NRG3: variants seen among roughly 807,000 people sequenced by gnomAD.
NRG3 encodes neuregulin 3, also known as pro-neuregulin-3, membrane-bound isoform.
In NRG3, 31 loss-of-function variants were observed where a neutral mutation model predicts 66.9. That is an observed-to-expected ratio of 0.46 (90% CI 0.35 to 0.63). The LOEUF is 0.63. Ranked by LOEUF, NRG3 falls within the 20% of genes least tolerant of loss-of-function variation. NRG3 has a pLI of 0.00. For missense variants in NRG3, 910 were observed against 878.9 expected (o/e 1.04, Z -0.45); for synonymous variants, 393 against 359.4 (o/e 1.09, Z -1.06).
intron 1 of NRG3, among the ~76,000 whole-genome samples, chr10:82,191,599 A>G (rs1430798187): frequency 6.6e-6 from 1 of 152,206 alleles, no homozygotes; most frequent in Non-Finnish European, 1.5e-5. Context: ...TTAATAATGT[A>G]GAGCAAAATG....
chr10:81,946,229 C>G (rs1236785395), intron 1 of NRG3, among the ~76,000 whole-genome samples: 1 of 152,094 alleles, frequency 6.6e-6, no homozygotes, highest in Non-Finnish European at 1.5e-5. Context: ...GTTGGTCAGG[C>G]TGGTTTCAAA....
At chr10:82,144,584 A>G (rs976584920) in intron 1 of NRG3, among the ~76,000 whole-genome samples, 4 of 152,252 alleles carry the variant, frequency 2.6e-5, no homozygotes, top group African/African-American at 9.6e-5. Context: ...GACGTGTAAT[A>G]AAATTCCAGA....
chr10:82,933,513 T>A (rs1481736821), intron 4 of NRG3, among the ~76,000 whole-genome samples: 1 of 152,222 alleles, frequency 6.6e-6, no homozygotes, highest in Non-Finnish European at 1.5e-5. Flanking sequence ...CCTACCACAC[T>A]ATTTCCTATT....
intron 1 of NRG3, among the ~76,000 whole-genome samples, chr10:82,034,159 A>G (rs1234323116): frequency 6.6e-6 from 1 of 152,122 alleles, no homozygotes; most frequent in Non-Finnish European, 1.5e-5. Context: ...ATAAACCTTT[A>G]TTAGTTGAAT....
chr10:82,191,381 C>CT, intron 1 of NRG3, among the ~76,000 whole-genome samples: 1 of 152,124 alleles, frequency 6.6e-6, no homozygotes. Context: ...CATGATAAGT[C>CT]TAAGAATCCT....
At chr10:82,809,684 T>C (rs2061417920) in intron 3 of NRG3, among the ~76,000 whole-genome samples, 1 of 152,160 alleles carries the variant, frequency 6.6e-6, no homozygotes, top group African/African-American at 2.4e-5. Flanking sequence ...GGTTCATTTG[T>C]GTTTCAACCT....
chr10:82,598,581 G>A (rs890434070), intron 2 of NRG3, among the ~76,000 whole-genome samples: 1 of 152,206 alleles, frequency 6.6e-6, no homozygotes, highest in African/African-American at 2.4e-5. Context: ...CAGAAGCCAA[G>A]AGGAGACAAT....
At chr10:82,560,451 A>G (rs1289876259) in intron 2 of NRG3, among the ~76,000 whole-genome samples, 2 of 151,094 alleles carry the variant, frequency 1.3e-5, no homozygotes, top group Non-Finnish European at 3.0e-5. Context: ...ATCACTTCTG[A>G]GAACAGAATG....
chr10:82,327,436 A>T (rs2081931846), intron 1 of NRG3, among the ~76,000 whole-genome samples: 1 of 152,186 alleles, frequency 6.6e-6, no homozygotes, highest in Non-Finnish European at 1.5e-5. Context: ...GATTAAAAAT[A>T]TTATTTCTTG....
chr10:82,940,815 A>G (rs1434164977), intron 4 of NRG3, among the ~76,000 whole-genome samples: 2 of 151,916 alleles, frequency 1.3e-5, no homozygotes, highest in East Asian at 1.9e-4. Flanking sequence ...TGACTTACCC[A>G]CTTCCCAAAA....
chr10:82,801,522 T>C (rs2061038231), intron 3 of NRG3, among the ~76,000 whole-genome samples: 1 of 152,152 alleles, frequency 6.6e-6, no homozygotes, highest in Admixed American at 6.5e-5. Context: ...AGCTGTGGCA[T>C]TGGAGAAGTA....
At chr10:82,458,094 G>GT (rs2136677187) in intron 2 of NRG3, among the ~76,000 whole-genome samples, 1 of 152,296 alleles carries the variant, frequency 6.6e-6, no homozygotes, top group South Asian at 2.1e-4. Flanking sequence ...GCCTGGGAGA[G>GT]TCCACTGTGT....
At chr10:82,499,578 G>GT (rs1054957638) in intron 2 of NRG3, among the ~76,000 whole-genome samples, 6 of 152,116 alleles carry the variant, frequency 3.9e-5, no homozygotes, top group African/African-American at 7.2e-5. Flanking sequence ...AAATATAAAT[G>GT]TTTTTTCAAA....
intron 1 of NRG3, among the ~76,000 whole-genome samples, chr10:82,020,614 A>G (rs910433220): frequency 1.4e-4 from 22 of 152,258 alleles, no homozygotes; most frequent in African/African-American, 5.1e-4. Context: ...AAACTGGTTA[A>G]GAATCATGGT....
At chr10:81,947,858 A>C (rs1848990870) in intron 1 of NRG3, among the ~76,000 whole-genome samples, 1 of 152,096 alleles carries the variant, frequency 6.6e-6, no homozygotes, top group Admixed American at 6.6e-5. Flanking sequence ...CAGGCATCCC[A>C]GATTCCAGGA....
intron 2 of NRG3, among the ~76,000 whole-genome samples, chr10:82,508,152 A>G (rs2132417303): frequency 6.6e-6 from 1 of 152,350 alleles, no homozygotes; most frequent in East Asian, 1.9e-4. Context: ...TTGTGGGAAT[A>G]TACTATTCAT....
chr10:82,004,028 C>CACACACACACAT (rs1444609157), intron 1 of NRG3, among the ~76,000 whole-genome samples: 25 of 145,630 alleles, frequency 1.7e-4, no homozygotes, highest in African/African-American at 6.4e-4. Flanking sequence ...CACACACACA[C>CACACACACACAT]ACACACAGAT....
chr10:82,753,926 A>G (rs2058974807), intron 3 of NRG3, among the ~76,000 whole-genome samples: 1 of 151,064 alleles, frequency 6.6e-6, no homozygotes, highest in Non-Finnish European at 1.5e-5. Context: ...CAGCCTGGCA[A>G]AAGAGTGAGA....
At chr10:82,625,224 G>A (rs2049333271) in intron 2 of NRG3, among the ~76,000 whole-genome samples, 2 of 151,708 alleles carry the variant, frequency 1.3e-5, no homozygotes, top group East Asian at 1.9e-4. Flanking sequence ...CTAGTAAGTG[G>A]AAAAACAGAG....
Sources: allele counts gnomAD v4.1 joint callset (sites outside exome capture counted in the v4.1 genomes callset), GRCh38; gene constraint gnomAD v4.1.1; transcripts MANE v1.5; gene names NCBI Gene and HGNC (gene_info 2026-07-23, HGNC 2026-07-21).